The following FGF14 variants were observed in gnomAD, a reference collection of about 807,000 sequenced individuals.
The protein encoded by FGF14 is fibroblast growth factor homologous factor 4.
Under a neutral mutation model 25.5 loss-of-function variants are expected in FGF14, and 5 were observed. The observed-to-expected ratio is 0.20, with a 90% CI of 0.10 to 0.41. FGF14 has a LOEUF of 0.41. FGF14 is among the 10% of genes least tolerant of loss of function. FGF14 has a pLI of 1.00. For missense variants in FGF14, 222 were observed against 320.1 expected (o/e 0.69, Z 2.34); for synonymous variants, 138 against 118.3 (o/e 1.17, Z -1.08).
chr13:101,739,014 C>A (rs2036367607), intron 3 of FGF14, among the ~76,000 whole-genome samples: 1 of 142,064 alleles, frequency 7.0e-6, no homozygotes, highest in Admixed American at 7.2e-5. Context: ...GTATATCTAT[C>A]TATATATATA....
chr13:102,375,462 A>G (rs937161613), intron 1 of FGF14, among the ~76,000 whole-genome samples: 3 of 152,118 alleles, frequency 2.0e-5, no homozygotes, highest in African/African-American at 7.2e-5. Flanking sequence ...CAACTCTTTG[A>G]CTCAATTTAT....
At chr13:102,228,380 T>G (rs1424252218) in intron 1 of FGF14, among the ~76,000 whole-genome samples, 1 of 152,160 alleles carries the variant, frequency 6.6e-6, no homozygotes, top group Non-Finnish European at 1.5e-5. Context: ...ATTATCTTCC[T>G]CTCTAACACT....
chr13:101,810,664 A>G (rs1419225110), intron 3 of FGF14, among the ~76,000 whole-genome samples: 1 of 152,112 alleles, frequency 6.6e-6, no homozygotes, highest in Non-Finnish European at 1.5e-5. Flanking sequence ...TGCATTCTAA[A>G]CCTGATAGGA....
At chr13:102,347,024 G>A (rs1052795463) in intron 1 of FGF14, among the ~76,000 whole-genome samples, 1 of 152,170 alleles carries the variant, frequency 6.6e-6, no homozygotes, top group Admixed American at 6.5e-5. Flanking sequence ...AGCATGGTAG[G>A]AGGTCTGGAG....
chr13:101,913,921 T>C (rs1278674895), intron 1 of FGF14, among the ~76,000 whole-genome samples: 1 of 152,108 alleles, frequency 6.6e-6, no homozygotes, highest in African/African-American at 2.4e-5. Flanking sequence ...CTCTACCCCA[T>C]GTTTGTGAGC....
chr13:101,750,700 C>A (rs919362086), intron 3 of FGF14, among the ~76,000 whole-genome samples: 1 of 152,092 alleles, frequency 6.6e-6, no homozygotes, highest in Non-Finnish European at 1.5e-5. Flanking sequence ...TTGGTGTTTA[C>A]TCAAATGAGT....
intron 3 of FGF14, among the ~76,000 whole-genome samples, chr13:101,864,890 T>C (rs868452232): frequency 6.6e-6 from 1 of 152,102 alleles, no homozygotes; most frequent in Non-Finnish European, 1.5e-5. Context: ...AAATCAATCA[T>C]ACTAAAACCA....
intron 1 of FGF14, among the ~76,000 whole-genome samples, chr13:102,144,643 T>C (rs1172263095): frequency 6.6e-6 from 1 of 152,176 alleles, no homozygotes; most frequent in South Asian, 2.1e-4. Flanking sequence ...GTAGTACATC[T>C]GAGTTGTAGA....
At chr13:101,925,495 T>C (rs565113193) in intron 1 of FGF14, among the ~76,000 whole-genome samples, 3 of 152,172 alleles carry the variant, frequency 2.0e-5, no homozygotes, top group East Asian at 1.9e-4. Flanking sequence ...TCTAGTTAAA[T>C]ACCGGAAGCC....
chr13:102,317,006 AT>A (rs1383348998), intron 1 of FGF14, among the ~76,000 whole-genome samples: 1 of 151,946 alleles, frequency 6.6e-6, no homozygotes, highest in East Asian at 1.9e-4. Flanking sequence ...GCCATTTTCC[AT>A]CTTTTTTTGG....
At chr13:101,904,069 C>T (rs965785271) in intron 1 of FGF14, among the ~76,000 whole-genome samples, 2 of 152,176 alleles carry the variant, frequency 1.3e-5, no homozygotes, top group African/African-American at 2.4e-5. Flanking sequence ...CTCTACACAG[C>T]GTGCAAAAGA....
intron 1 of FGF14, among the ~76,000 whole-genome samples, chr13:102,351,041 C>G (rs1451067619): frequency 6.6e-6 from 1 of 152,124 alleles, no homozygotes; most frequent in East Asian, 1.9e-4. Context: ...CTGCTTCTCA[C>G]CACTAACTGC....
intron 1 of FGF14, among the ~76,000 whole-genome samples, chr13:101,947,639 T>G (rs1377281450): frequency 6.6e-6 from 1 of 152,044 alleles, no homozygotes; most frequent in Non-Finnish European, 1.5e-5. Context: ...AACCATTGAG[T>G]ACACATGGGC....
intron 1 of FGF14, among the ~76,000 whole-genome samples, chr13:102,095,681 C>T (rs1304706509): frequency 2.0e-5 from 3 of 152,052 alleles, no homozygotes; most frequent in Admixed American, 1.3e-4. Context: ...AGGATGAAGA[C>T]CTTTATGATG....
intron 1 of FGF14, among the ~76,000 whole-genome samples, chr13:102,205,984 TAAAAAAAAAAAAAAAA>T (rs36108366): frequency 6.3e-5 from 3 of 47,444 alleles, no homozygotes; most frequent in Non-Finnish European, 7.9e-5. Context: ...CTCCCTGTGG[TAAAAAAAAAAAAAAAA>T]AAAAAAAAAA....
At chr13:102,159,146 AAAAAAAAAAAAG>A (rs1229425850) in intron 1 of FGF14, among the ~76,000 whole-genome samples, 59 of 149,632 alleles carry the variant, frequency 3.9e-4, no homozygotes, top group African/African-American at 1.3e-3. Context: ...TCTCAAAAAA[AAAAAAAAAAAAG>A]AAAAGAAAAG....
Position 101,717,321 on chromosome 13 carries a change from T to G in FGF14, c.*5510A>C, listed in dbSNP as rs1594013325. On this transcript the variant is annotated 3_prime_UTR_variant, in exon 5 of 5. Coordinates refer to ENST00000376143, the MANE Select transcript of FGF14 (RefSeq NM_004115.4). The stretch of plus-strand genomic sequence containing the variant: ...AGATTTATAAAAATTGTTATCTCTA[T>G]CCTGAGATTAAGGAGTGCAACCATG... 6.6e-6 allele frequency: 1 copy of G among 152,160 alleles called. No homozygotes were observed. The allele number at this position is 152,160 out of a possible 1,614,324, so 9.4% of individuals were successfully genotyped here.
At chr13:102,206,550 G>A (rs769115467) in intron 1 of FGF14, among the ~76,000 whole-genome samples, 3 of 151,742 alleles carry the variant, frequency 2.0e-5, no homozygotes, top group Admixed American at 6.6e-5. Context: ...GCATGGTGAT[G>A]TGCGCCTGTA....
intron 1 of FGF14, among the ~76,000 whole-genome samples, chr13:101,962,293 C>G (rs1484856220): frequency 6.6e-6 from 1 of 152,030 alleles, no homozygotes; most frequent in Non-Finnish European, 1.5e-5. Flanking sequence ...TAGATGTATT[C>G]CTAGGTATTT....
Sources: gnomAD v4.1 joint callset for allele counts (sites outside exome capture counted in the v4.1 genomes callset) on GRCh38, gnomAD v4.1.1 for gene constraint, MANE v1.5 for transcripts, NCBI Gene and HGNC (gene_info 2026-07-23, HGNC 2026-07-21) for gene names.